Variants in SMYD3 observed in about 807,000 individuals in gnomAD.
The protein encoded by SMYD3 is histone-lysine N-methyltransferase SMYD3.
In SMYD3, 36 loss-of-function variants were observed where a neutral mutation model predicts 57.7. The observed-to-expected ratio is 0.62, with a 90% CI of 0.48 to 0.82. The LOEUF (loss-of-function observed/expected upper bound fraction) is 0.82. Among genes scored for constraint, SMYD3 ranks in the 40% least tolerant of loss-of-function variants. The pLI, the probability that SMYD3 is intolerant of heterozygous loss-of-function variation, is 0.00. For missense variants in SMYD3, 515 were observed against 538.8 expected, an observed-to-expected ratio of 0.96 and a Z score of 0.44; for synonymous variants, 211 against 195.0, an observed-to-expected ratio of 1.08 and a Z score of -0.68.
In SMYD3 at chr1:246,167,568, T is replaced by C. The variant is rs111914721; in HGVS notation, c.531+159633A>G. Among the ~76,000 whole-genome samples the C allele has an allele frequency of 1.6e-3, 241 of 151,182 alleles. 1 individual carries two copies. The highest frequency in any genetic ancestry group is 5.4e-3 in the African/African-American group (224 of 41,152). On this transcript the variant is annotated intron_variant, in intron 5 of 11. Coordinates refer to ENST00000490107, the MANE Select transcript of SMYD3 (RefSeq NM_001167740.2). ...CTCTGTGGCCCAGGCTGGAGTGCAG[T>C]GGCATGATCTCAGCTCACGGCAACC...
intron 5 of SMYD3, among the ~76,000 whole-genome samples, chr1:246,221,930 AC>A (rs955198168): frequency 8.6e-5 from 13 of 151,908 alleles, no homozygotes; most frequent in African/African-American, 3.1e-4. Flanking sequence ...CACCCCAAAG[AC>A]CCCATGACAG....
chr1:246,470,168 G>A (rs1572527583), intron 1 of SMYD3, among the ~76,000 whole-genome samples: 1 of 152,078 alleles, frequency 6.6e-6, no homozygotes. Flanking sequence ...GATTAATGGA[G>A]ACTAAAGAGA....
intron 10 of SMYD3, among the ~76,000 whole-genome samples, chr1:245,851,355 G>C (rs980370835): frequency 6.6e-6 from 1 of 152,182 alleles, no homozygotes; most frequent in African/African-American, 2.4e-5. Context: ...ATGAGTAAAA[G>C]TGCCTGACCC....
At chr1:246,427,109 G>A (rs1047144041) in intron 1 of SMYD3, among the ~76,000 whole-genome samples, 3 of 152,228 alleles carry the variant, frequency 2.0e-5, no homozygotes, top group Admixed American at 6.5e-5. Context: ...TGTAAACAAA[G>A]AAGGAAAGAA....
intron 1 of SMYD3, among the ~76,000 whole-genome samples, chr1:246,465,299 C>T (rs1012256254): frequency 6.6e-6 from 1 of 152,182 alleles, no homozygotes; most frequent in Admixed American, 6.5e-5. Flanking sequence ...TTCGGATTCT[C>T]TTTCTAAAGA....
chr1:245,905,820 A>G (rs1439455729), intron 8 of SMYD3, among the ~76,000 whole-genome samples: 1 of 152,240 alleles, frequency 6.6e-6, no homozygotes, highest in Non-Finnish European at 1.5e-5. Context: ...ACAATGGAAC[A>G]CAACAGAAAA....
chr1:246,311,892 CG>C (rs1447484134), intron 5 of SMYD3, among the ~76,000 whole-genome samples: 8 of 152,278 alleles, frequency 5.3e-5, no homozygotes, highest in Non-Finnish European at 1.0e-4. Context: ...CGGCAGGCAT[CG>C]TCAAGCTTTG....
intron 5 of SMYD3, among the ~76,000 whole-genome samples, chr1:245,985,553 G>A (rs1034667261): frequency 6.6e-6 from 1 of 152,122 alleles, no homozygotes; most frequent in Non-Finnish European, 1.5e-5. Flanking sequence ...GTTCAGAGGT[G>A]GGTCCAATCC....
intron 1 of SMYD3, among the ~76,000 whole-genome samples, chr1:246,487,547 C>T (rs954459970): frequency 6.6e-6 from 1 of 152,002 alleles, no homozygotes; most frequent in African/African-American, 2.4e-5. Context: ...CCACCCTAAA[C>T]AACCAGGAGA....
chr1:245,904,228 G>A (rs2054396137), intron 8 of SMYD3, among the ~76,000 whole-genome samples: 2 of 152,088 alleles, frequency 1.3e-5, no homozygotes, highest in Admixed American at 6.5e-5. Context: ...GAGATCTCAT[G>A]GTTTTATAAG....
intron 5 of SMYD3, among the ~76,000 whole-genome samples, chr1:246,041,256 A>G (rs970325479): frequency 4.6e-5 from 7 of 152,160 alleles, no homozygotes; most frequent in African/African-American, 1.7e-4. Context: ...TGCACTTCCC[A>G]GAAAATATTC....
chr1:245,936,191 A>G (rs974203451), intron 5 of SMYD3, among the ~76,000 whole-genome samples: 1 of 152,202 alleles, frequency 6.6e-6, no homozygotes, highest in Non-Finnish European at 1.5e-5. Flanking sequence ...TAAGACAGAA[A>G]GCAAGGATGT....
intron 1 of SMYD3, among the ~76,000 whole-genome samples, chr1:246,443,011 ATTC>A (rs1421457409): frequency 2.0e-5 from 3 of 152,274 alleles, no homozygotes; most frequent in East Asian, 1.9e-4. Context: ...CTGTATTTAA[ATTC>A]TTCTTATTTA....
intron 8 of SMYD3, among the ~76,000 whole-genome samples, chr1:245,867,884 G>T (rs10924368): frequency 6.6e-6 from 1 of 152,064 alleles, no homozygotes; most frequent in African/African-American, 2.4e-5. Context: ...ACGCAGAAGC[G>T]TGCCTGAATG....
chr1:245,776,662 C>G (rs1306616535), intron 10 of SMYD3, among the ~76,000 whole-genome samples: 1 of 152,174 alleles, frequency 6.6e-6, no homozygotes, highest in Non-Finnish European at 1.5e-5. Flanking sequence ...GATGGGTTTC[C>G]ATAGCACAGG....
Position 245,844,187 on chromosome 1 carries a change from T to C in SMYD3, c.1076+14309A>G, listed in dbSNP as rs2050545457. Among the ~76,000 whole-genome samples the C allele has an allele frequency of 2.0e-5, 3 of 152,226 alleles. No homozygotes were observed. The South Asian group carries it at 6.2e-4, about 32-fold the overall frequency. On this transcript the variant is annotated intron_variant, in intron 10 of 11. Transcript: ENST00000490107. ...GCAGGTATCCCTCTCCTTCACAGTC[T>C]TTTAACCTTGTGATGAAATACCTCC...
At chr1:245,955,492 C>T (rs997943960) in intron 5 of SMYD3, among the ~76,000 whole-genome samples, 3 of 152,102 alleles carry the variant, frequency 2.0e-5, no homozygotes, top group Admixed American at 6.6e-5. Flanking sequence ...CTACTGCGAT[C>T]GCTCATAATT....
chr1:245,960,910 C>G (rs777126587), intron 5 of SMYD3, among the ~76,000 whole-genome samples: 8 of 152,090 alleles, frequency 5.3e-5, no homozygotes, highest in African/African-American at 1.9e-4. Flanking sequence ...ATAACTCCCT[C>G]GGGACCTATT....
chr1:246,218,164 A>G (rs372803663), intron 5 of SMYD3, among the ~76,000 whole-genome samples: 3 of 152,152 alleles, frequency 2.0e-5, no homozygotes, highest in Non-Finnish European at 2.9e-5. Context: ...GACATGAGTA[A>G]AGTTAAAAAC....
Sources: allele counts gnomAD v4.1 joint callset (sites outside exome capture counted in the v4.1 genomes callset), GRCh38; gene constraint gnomAD v4.1.1; transcripts MANE v1.5; gene names NCBI Gene and HGNC (gene_info 2026-07-23, HGNC 2026-07-21).